The following EYS variants were observed in gnomAD, a reference collection of about 807,000 sequenced individuals.
EYS encodes the protein protein eyes shut homolog.
In EYS, 250 loss-of-function variants were observed where a neutral mutation model predicts 282.1. The ratio of observed to expected loss-of-function variants is 0.89; its 90% confidence interval spans 0.80 to 0.98. The LOEUF is 0.98. Among genes scored for constraint, EYS ranks in the 50% least tolerant of loss-of-function variants. EYS has a pLI of 0.00. For synonymous variants in EYS, 1,355 were observed against 1,282.9 expected, an observed-to-expected ratio of 1.06 and a Z score of -1.20; for missense variants, 4,016 against 3,709.0, an observed-to-expected ratio of 1.08 and a Z score of -2.15.
At chr6:65,517,440 A>C (rs2127295757) in intron 2 of EYS, among the ~76,000 whole-genome samples, 1 of 152,084 alleles carries the variant, frequency 6.6e-6, no homozygotes, top group Non-Finnish European at 1.5e-5. Context: ...AATCTTTCAC[A>C]ATGAATTAAT....
chr6:64,597,680 G>A (rs542283410), intron 24 of EYS, among the ~76,000 whole-genome samples: 1 of 145,132 alleles, frequency 6.9e-6, no homozygotes, highest in East Asian at 2.2e-4. Flanking sequence ...ACATAGAGTG[G>A]AGAAAAATAA....
intron 30 of EYS, among the ~76,000 whole-genome samples, chr6:64,281,440 A>G (rs1224604018): frequency 6.6e-6 from 1 of 152,154 alleles, no homozygotes; most frequent in Non-Finnish European, 1.5e-5. Flanking sequence ...AAACTATTAT[A>G]TGTGGATTAT....
At chr6:63,883,152 A>G (rs1022032450) in intron 35 of EYS, among the ~76,000 whole-genome samples, 1 of 152,190 alleles carries the variant, frequency 6.6e-6, no homozygotes, top group Non-Finnish European at 1.5e-5. Context: ...TCCTTTACAT[A>G]TGGAACCAAA....
chr6:65,530,134 A>C (rs9363386), intron 2 of EYS, among the ~76,000 whole-genome samples: 26,524 of 152,136 alleles, frequency 0.17, 2,914 homozygotes, highest in Middle Eastern at 0.32. Context: ...TTTTATAAAG[A>C]AACTAAGATT....
intron 12 of EYS, among the ~76,000 whole-genome samples, chr6:65,294,768 T>C (rs895485001): frequency 3.3e-5 from 5 of 151,912 alleles, no homozygotes; most frequent in Admixed American, 2.0e-4. Flanking sequence ...ATTTGGAAGA[T>C]TGTTAAAGAA....
intron 4 of EYS, 22 bp downstream of exon 4, chr6:65,494,641 T>G (rs1406538758): frequency 6.6e-7 from 1 of 1,519,382 alleles, no homozygotes; most frequent in East Asian, 2.5e-5. Flanking sequence ...TTAATAAAAT[T>G]ATATATTTTA....
At chr6:64,459,957 A>T (rs1775689996) in intron 26 of EYS, among the ~76,000 whole-genome samples, 1 of 151,976 alleles carries the variant, frequency 6.6e-6, no homozygotes, top group Admixed American at 6.6e-5. Flanking sequence ...GAAAAAAAAA[A>T]AAAGACAAAA....
chr6:64,922,437 A>T (rs1346133264), intron 15 of EYS, among the ~76,000 whole-genome samples: 1 of 152,246 alleles, frequency 6.6e-6, no homozygotes, highest in East Asian at 1.9e-4. Flanking sequence ...GTATGAAAAG[A>T]GCCAGACATC....
intron 13 of EYS, among the ~76,000 whole-genome samples, chr6:65,018,997 T>G (rs1462939027): frequency 6.6e-6 from 1 of 152,130 alleles, no homozygotes; most frequent in Non-Finnish European, 1.5e-5. Flanking sequence ...CTTATAAGAT[T>G]ATCTCAATGA....
intron 26 of EYS, among the ~76,000 whole-genome samples, chr6:64,454,368 G>C (rs570063878): frequency 1.6e-4 from 24 of 152,098 alleles, no homozygotes; most frequent in Non-Finnish European, 2.9e-4. Context: ...TTTTTGCCCT[G>C]TGCCCTTTTA....
chr6:64,550,745 T>TA (rs1765049085), intron 26 of EYS, among the ~76,000 whole-genome samples: 1 of 152,130 alleles, frequency 6.6e-6, no homozygotes. Context: ...CTTAAGCTGA[T>TA]AGGCAACTTC....
chr6:65,490,830 A>C (rs1766015823), intron 4 of EYS, 123 bp from the exon 5 acceptor site: 1 of 657,790 alleles, frequency 1.5e-6, no homozygotes, highest in African/African-American at 1.8e-5. Flanking sequence ...TTATGAAACC[A>C]TGTTATACGA....
intron 31 of EYS, among the ~76,000 whole-genome samples, chr6:64,106,483 TG>T (rs1383753422): frequency 1.3e-5 from 2 of 152,154 alleles, no homozygotes; most frequent in African/African-American, 4.8e-5. Context: ...TTTCTGTTTT[TG>T]TTTGCATGGT....
In EYS at chr6:64,611,047, TC is replaced by T. The variant is rs527826090; in HGVS notation, c.3684+6370del. On this transcript the variant is annotated intron_variant, in intron 24 of 42. Transcript: ENST00000503581. ...AAATAAACACAATAATTTTGTTTCT[TC>T]CCCCATGCATCCTCTGCTTTTTAGG... is the stretch of plus-strand genomic sequence containing the variant. 3.6e-3 allele frequency among the ~76,000 whole-genome samples: 551 copies of T among 152,226 alleles called. 8 individuals carry two copies. Among genetic ancestry groups the T allele is most frequent in the South Asian group, 0.019 (91 of 4,828 alleles).
chr6:65,654,978 TAAAAAAAAAAA>T lies in EYS; in HGVS notation c.-447-15097_-447-15087del, dbSNP rs36088825. On this transcript the variant is annotated intron_variant, in intron 1 of 42. Coordinates refer to ENST00000503581, the MANE Select transcript of EYS (RefSeq NM_001142800.2). ...TTCCTGAAGAGTCTGGGTCATTCAT[TAAAAAAAAAAA>T]AAAAAAAAAAAATGTTTGTCCAAGA... 1.2e-3 allele frequency among the ~76,000 whole-genome samples: 119 copies of T among 99,902 alleles called. 1 individual carries two copies. Among genetic ancestry groups the T allele is most frequent in the African/African-American group, 4.2e-3 (110 of 25,950 alleles). The allele number at this position is 99,902 out of a possible 152,430, so 65.5% of individuals were successfully genotyped here.
chr6:64,003,092 TGTG>T (rs1429706979), intron 33 of EYS, among the ~76,000 whole-genome samples: 1 of 152,128 alleles, frequency 6.6e-6, no homozygotes, highest in Admixed American at 6.6e-5. Flanking sequence ...ATAAAGAAAA[TGTG>T]GTAGATATAC....
At chr6:65,622,167 AC>A (rs1330074085) in intron 2 of EYS, among the ~76,000 whole-genome samples, 1 of 152,066 alleles carries the variant, frequency 6.6e-6, no homozygotes, top group African/African-American at 2.4e-5. Context: ...TCTGGGGCTC[AC>A]TCTTCTCCCC....
At chr6:63,734,334 A>T (rs920315081) in intron 41 of EYS, among the ~76,000 whole-genome samples, 40 of 152,162 alleles carry the variant, frequency 2.6e-4, no homozygotes, top group African/African-American at 9.6e-4. Flanking sequence ...GTCTCTCTAC[A>T]TATTATGGCT....
At chr6:64,428,877 A>T (rs1774494400) in intron 28 of EYS, among the ~76,000 whole-genome samples, 1 of 152,152 alleles carries the variant, frequency 6.6e-6, no homozygotes, top group Admixed American at 6.6e-5. Flanking sequence ...TATATGATAA[A>T]ATGCCTGGGT....
Sources: allele counts gnomAD v4.1 joint callset (sites outside exome capture counted in the v4.1 genomes callset), GRCh38; gene constraint gnomAD v4.1.1; transcripts MANE v1.5; gene names NCBI Gene and HGNC (gene_info 2026-07-23, HGNC 2026-07-21).